BCL2L1: variants seen among roughly 807,000 people sequenced by gnomAD.
BCL2L1 encodes BCL2 like 1, also known as bcl-2-like protein 1.
A neutral mutation model predicts 18.7 loss-of-function variants in BCL2L1; 1 was observed. The observed-to-expected ratio is 0.05, with a 90% CI of 0.02 to 0.25. The LOEUF (loss-of-function observed/expected upper bound fraction) is 0.25. BCL2L1 is among the 10% of genes least tolerant of loss of function. BCL2L1 has a pLI of 1.00. For synonymous variants in BCL2L1, 103 were observed against 122.7 expected, an observed-to-expected ratio of 0.84 and a Z score of 1.06; for missense variants, 207 against 304.9, an observed-to-expected ratio of 0.68 and a Z score of 2.39.
chr20:31,719,425 G>C (rs2061588931), intron 2 of BCL2L1, among the ~76,000 whole-genome samples: 1 of 152,164 alleles, frequency 6.6e-6, no homozygotes, highest in African/African-American at 2.4e-5. Flanking sequence ...CTTGGAACAG[G>C]ATAATACCTG....
chr20:31,723,326 G>A, upstream of BCL2L1: 7 of 985,666 alleles, frequency 7.1e-6, no homozygotes, highest in Non-Finnish European at 8.4e-6. Context: ...ACTGGGTGAG[G>A]GTGAGGCGCT....
chr20:31,710,977 T>G (rs1312416552), intron 2 of BCL2L1, among the ~76,000 whole-genome samples: 3 of 152,188 alleles, frequency 2.0e-5, no homozygotes, highest in Non-Finnish European at 2.9e-5. Context: ...GCTTATAGGC[T>G]TTTGCATCAG....
chr20:31,667,386 G>A (rs1387285065), intron 2 of BCL2L1, among the ~76,000 whole-genome samples: 2 of 151,730 alleles, frequency 1.3e-5, no homozygotes, highest in Non-Finnish European at 2.9e-5. Flanking sequence ...GTTTGAACCC[G>A]GGAGACGGAG....
intron 2 of BCL2L1, among the ~76,000 whole-genome samples, chr20:31,673,236 C>A (rs1251739532): frequency 6.6e-6 from 1 of 151,938 alleles, no homozygotes; most frequent in Non-Finnish European, 1.5e-5. Flanking sequence ...CCACACCTGG[C>A]TAATTTTTTG....
At chr20:31,698,683 T>C (rs1050815517) in intron 2 of BCL2L1, among the ~76,000 whole-genome samples, 35 of 152,070 alleles carry the variant, frequency 2.3e-4, no homozygotes, top group African/African-American at 6.5e-4. Flanking sequence ...GGAATACAGG[T>C]GCGAAACACC....
At chr20:31,715,770 C>T (rs2061524411) in intron 2 of BCL2L1, among the ~76,000 whole-genome samples, 1 of 152,148 alleles carries the variant, frequency 6.6e-6, no homozygotes, top group African/African-American at 2.4e-5. Flanking sequence ...GAAATCTACA[C>T]TAGTAAAGGT....
At chr20:31,718,202 G>A (rs6089039) in intron 2 of BCL2L1, among the ~76,000 whole-genome samples, 3 of 152,176 alleles carry the variant, frequency 2.0e-5, no homozygotes, top group Admixed American at 1.3e-4. Flanking sequence ...CATTTCATCA[G>A]GTGACTCCAG....
At chr20:31,705,540 AG>A (rs935845139) in intron 2 of BCL2L1, among the ~76,000 whole-genome samples, 9 of 152,210 alleles carry the variant, frequency 5.9e-5, no homozygotes, top group Non-Finnish European at 1.0e-4. Context: ...GCCCCAGCAC[AG>A]TGCCTAACAC....
chr20:31,722,234 G>A lies in BCL2L1; in HGVS notation c.-16C>T, dbSNP rs780458491. ...TCTGAGACATTTTTATAATAGGGAT[G>A]GGCTCAACCAGTCCATTGTCCAAAA... On this transcript the variant is annotated 5_prime_UTR_variant, in exon 2 of 3. Coordinates refer to ENST00000307677, the MANE Select transcript of BCL2L1 (RefSeq NM_138578.3). The A allele has an allele frequency of 4.7e-6, 7 of 1,479,070 alleles. No homozygotes were observed. The Admixed American group carries it at 6.9e-5, about 15-fold the overall frequency. 91.6% of individuals were successfully genotyped at this position (1,479,070 alleles called of 1,614,324 possible). A position where few individuals can be genotyped will look rare whatever the true frequency, so the allele number is the denominator to read the frequency against.
chr20:31,702,253 C>A (rs2061288526), intron 2 of BCL2L1, among the ~76,000 whole-genome samples: 1 of 152,174 alleles, frequency 6.6e-6, no homozygotes, highest in African/African-American at 2.4e-5. Flanking sequence ...AGCAAGGAAC[C>A]CATGCGGCTT....
chr20:31,695,651 C>T (rs1479348865), intron 2 of BCL2L1, among the ~76,000 whole-genome samples: 2 of 152,126 alleles, frequency 1.3e-5, no homozygotes, highest in African/African-American at 2.4e-5. Flanking sequence ...CTGGCTTTGT[C>T]GCTCTGGCTG....
At chr20:31,687,479 T>C (rs544368570) in intron 2 of BCL2L1, among the ~76,000 whole-genome samples, 1 of 151,366 alleles carries the variant, frequency 6.6e-6, no homozygotes, top group South Asian at 2.1e-4. Context: ...ATCGAGACCA[T>C]TCTGGCAAAC....
intron 2 of BCL2L1, among the ~76,000 whole-genome samples, chr20:31,687,357 G>A (rs891780506): frequency 6.6e-6 from 1 of 151,494 alleles, no homozygotes; most frequent in Non-Finnish European, 1.5e-5. Context: ...AGCTCTGAAC[G>A]GAGAAAATTC....
intron 2 of BCL2L1, chr20:31,720,192 C>G (rs1241496826): frequency 1.0e-6 from 1 of 978,312 alleles, no homozygotes; most frequent in Non-Finnish European, 1.2e-6. Flanking sequence ...CTGGCACAGA[C>G]GAGTTGAAAT....
chr20:31,683,712 T>A (rs1278046728), intron 2 of BCL2L1, among the ~76,000 whole-genome samples: 2 of 132,870 alleles, frequency 1.5e-5, no homozygotes, highest in East Asian at 2.5e-4. Context: ...GAGGTTGCAG[T>A]GAGCCGAGGC....
At chr20:31,709,840 CAAAAAAAAA>C (rs56937786) in intron 2 of BCL2L1, among the ~76,000 whole-genome samples, 31,126 of 63,738 alleles carry the variant, frequency 0.49, 5,049 homozygotes, top group African/African-American at 0.58. Flanking sequence ...GACTCCATCT[CAAAAAAAAA>C]AAAAAAAAAA....
intron 2 of BCL2L1, among the ~76,000 whole-genome samples, chr20:31,711,854 C>T (rs1325519944): frequency 6.6e-6 from 1 of 152,094 alleles, no homozygotes; most frequent in Non-Finnish European, 1.5e-5. Flanking sequence ...TATTATCATG[C>T]ACATAAAAAG....
chr20:31,668,887 G>A (rs1555858696), intron 2 of BCL2L1, among the ~76,000 whole-genome samples: 5 of 151,952 alleles, frequency 3.3e-5, no homozygotes, highest in Admixed American at 2.0e-4. Flanking sequence ...TTACAGGCAT[G>A]AGCCACCATG....
chr20:31,705,467 C>T (rs992482223), intron 2 of BCL2L1, among the ~76,000 whole-genome samples: 2 of 152,164 alleles, frequency 1.3e-5, no homozygotes, highest in Non-Finnish European at 2.9e-5. Flanking sequence ...GATTCAAACT[C>T]AACTCTGTCT....
Sources: allele counts gnomAD v4.1 joint callset (sites outside exome capture counted in the v4.1 genomes callset), GRCh38; gene constraint gnomAD v4.1.1; transcripts MANE v1.5; gene names NCBI Gene and HGNC (gene_info 2026-07-23, HGNC 2026-07-21).